TMEM64: variants seen among roughly 807,000 people sequenced by gnomAD.
The protein encoded by TMEM64 is transmembrane protein 64.
A neutral mutation model predicts 24.5 loss-of-function variants in TMEM64; 19 were observed. That is an observed-to-expected ratio of 0.78 (90% CI 0.54 to 1.14). The LOEUF (loss-of-function observed/expected upper bound fraction) is 1.14. TMEM64 is among the 50% of genes most tolerant of loss of function. TMEM64 has a pLI of 0.00. For missense variants in TMEM64, 487 were observed against 493.0 expected (o/e 0.99, Z 0.12); for synonymous variants, 262 against 224.7 (o/e 1.17, Z -1.49).
In TMEM64 at chr8:90,646,025, G is replaced by T; in HGVS notation, c.-120C>A. ...GACTCCCTGCGTCCGCTCAGAGGGT[G>T]GGAGACGGCCCGTAGAAGGGCGCGG... On this transcript the variant is annotated 5_prime_UTR_variant, in exon 1 of 3. Transcript: ENST00000458549. 1 of 411,160 alleles carries T rather than the reference G, an allele frequency of 2.4e-6. No individual in the cohort carries two copies. Among genetic ancestry groups the T allele is most frequent in the Non-Finnish European group, 3.4e-6 (1 of 294,340 alleles). 25.5% of individuals were successfully genotyped at this position (411,160 alleles called of 1,614,324 possible). A position where few individuals can be genotyped will look rare whatever the true frequency, so the allele number is the denominator to read the frequency against.
intron 1 of TMEM64, among the ~76,000 whole-genome samples, chr8:90,640,768 T>C (rs992385252): frequency 7.9e-5 from 12 of 152,222 alleles, no homozygotes; most frequent in African/African-American, 2.7e-4. Flanking sequence ...CTTAAAGTTA[T>C]GATGACATCT....
intron 2 of TMEM64, among the ~76,000 whole-genome samples, chr8:90,630,023 C>A (rs933958236): frequency 6.6e-5 from 10 of 152,078 alleles, no homozygotes. Flanking sequence ...TACTCAATAA[C>A]AGTTAAGTTA....
Position 90,645,871 on chromosome 8 carries a change from A to C in TMEM64, c.35T>G (p.Leu12Arg). 8.8e-7 allele frequency: 1 copy of C among 1,134,966 alleles called. No homozygotes were observed. Among genetic ancestry groups the C allele is most frequent in the Non-Finnish European group, 1.1e-6 (1 of 926,066 alleles). The allele number at this position is 1,134,966 out of a possible 1,614,324, so 70.3% of individuals were successfully genotyped here. A position where few individuals can be genotyped will look rare whatever the true frequency, so the allele number is the denominator to read the frequency against. Residue 12 changes from leucine (L) to arginine (R), a missense_variant, in exon 1 of 3, where the codon CTG becomes CGG. By Grantham distance (102) the Leu-to-Arg change is moderately radical (BLOSUM62 -2). Around this residue, in one of 3 missense-constraint regions of TMEM64, gnomAD observed 419 missense variants for 407.5 expected, o/e 1.03. Transcript: ENST00000458549. The surrounding 1 kb of genome is among the most constrained non-coding windows in gnomAD (Gnocchi z 4.2). ...RSPGGILLQA[L>R]PRLLQHAALP... The stretch of plus-strand genomic sequence containing the variant: ...GGCGGCGTGCTGCAGCAGCCGGGGC[A>C]GCGCCTGGAGCAGGATCCCGCCCGG...
chr8:90,631,534 C>T lies in TMEM64; in HGVS notation c.951+18G>A, dbSNP rs754012882. ...AAACAGAGAGAAAAAAAGAGACAAC[C>T]CTTGGCCTTAAACTCACCTGTAAAC... On this transcript the variant is annotated intron_variant, in intron 2 of 2. Coordinates refer to ENST00000458549, the MANE Select transcript of TMEM64 (RefSeq NM_001008495.4). The T allele has an allele frequency of 6.6e-7, 1 of 1,514,810 alleles. No individual in the cohort carries two copies. The highest frequency in any genetic ancestry group is 9.0e-7 in the Non-Finnish European group (1 of 1,115,912). The allele number at this position is 1,514,810 out of a possible 1,614,324, so 93.8% of individuals were successfully genotyped here.
At position 90,645,729 on chromosome 8, in the gene TMEM64, C is replaced by CGCT. The variant is rs1563453463; in HGVS notation, c.174_176dup (p.Ala61dup). The stretch of plus-strand genomic sequence containing the variant: ...CGCCGAGCAGGGCGCCCGAGGCCGC[C>CGCT]GCTGCTGCCGCCGCCGCGCTCGCCC... On this transcript the variant is annotated inframe_insertion, in exon 1 of 3. Coordinates refer to ENST00000458549, the MANE Select transcript of TMEM64 (RefSeq NM_001008495.4). This position sits in a 1 kb window ranked among gnomAD's most constrained non-coding sequence, Gnocchi z 4.2. 2.6e-6 allele frequency: 3 copies of CGCT among 1,164,268 alleles called. No individual in the cohort carries two copies. Among genetic ancestry groups the CGCT allele is most frequent in the African/African-American group, 1.6e-5 (1 of 61,208 alleles). 72.1% of individuals were successfully genotyped at this position (1,164,268 alleles called of 1,614,324 possible). A position where few individuals can be genotyped will look rare whatever the true frequency, so the allele number is the denominator to read the frequency against.
rs1190062327 is a variant in TMEM64 at position 90,645,958 on chromosome 8, G to A, written c.-53C>T. 4 of 1,020,384 alleles carry A rather than the reference G, an allele frequency of 3.9e-6. No homozygotes were observed. Among genetic ancestry groups the A allele is most frequent in the Middle Eastern group, 4.2e-4 (1 of 2,396 alleles). The allele number at this position is 1,020,384 out of a possible 1,614,324, so 63.2% of individuals were successfully genotyped here. ...GGCCAGCCCCTCCGCCGCGGCGCCC[G>A]TTAGGCAGCTGCCCTTCATGGCGCC... On this transcript the variant is annotated 5_prime_UTR_variant, in exon 1 of 3. In the 5' UTR this introduces an upstream ATG that the reference lacks. Transcript: ENST00000458549. The surrounding 1 kb of genome is among the most constrained non-coding windows in gnomAD (Gnocchi z 4.2).
In TMEM64 at chr8:90,645,531, C is replaced by T. The variant is rs1426578941; in HGVS notation, c.375G>A (p.Leu125=). Residue 125 remains leucine (L), a synonymous_variant, in exon 1 of 3, where the codon CTG becomes CTA. Coordinates refer to ENST00000458549, the MANE Select transcript of TMEM64 (RefSeq NM_001008495.4). This position sits in a 1 kb window ranked among gnomAD's most constrained non-coding sequence, Gnocchi z 4.2. ...GSTCWCRSLV[L]VCVLAALCFA... ...AGCACAGGGCGGCCAACACGCAGAC[C>T]AGCACGAGGCTCCGGCACCAACAGG... 2 of 1,549,122 alleles carry T rather than the reference C, an allele frequency of 1.3e-6. No homozygotes were observed. Among genetic ancestry groups the T allele is most frequent in the Admixed American group, 2.0e-5 (1 of 51,004 alleles).
In TMEM64 at chr8:90,624,501, A is replaced by G. The variant is rs1809325899; in HGVS notation, c.*1170T>C. ...TATTCTATAGTCATAAGTGCTATTA[A>G]TAAATACATTTGATTCATGCTACAA... On this transcript the variant is annotated 3_prime_UTR_variant, in exon 3 of 3. Transcript: ENST00000458549. 6.6e-6 allele frequency: 1 copy of G among 152,350 alleles called. No homozygotes were observed. The highest frequency in any genetic ancestry group is 6.5e-5 in the Admixed American group (1 of 15,268). 9.4% of individuals were successfully genotyped at this position (152,350 alleles called of 1,614,324 possible).
intron 1 of TMEM64, among the ~76,000 whole-genome samples, chr8:90,641,130 T>C (rs553780819): frequency 6.6e-6 from 1 of 152,308 alleles, no homozygotes; most frequent in Admixed American, 6.5e-5. Flanking sequence ...AGCTGTTTTG[T>C]TGGTGTGACT....
Position 90,645,960 on chromosome 8 carries a change from T to C in TMEM64, c.-55A>G. ...CCAGCCCCTCCGCCGCGGCGCCCGTTAGGCAGCTGCCCTTCATGGCGCCCG... is the reference window on the plus strand; with the variant it reads ...CCAGCCCCTCCGCCGCGGCGCCCGTCAGGCAGCTGCCCTTCATGGCGCCCG... On this transcript the variant is annotated 5_prime_UTR_variant, in exon 1 of 3. Transcript: ENST00000458549. The surrounding 1 kb of genome is among the most constrained non-coding windows in gnomAD (Gnocchi z 4.2). The C allele has an allele frequency of 2.0e-6, 2 of 992,822 alleles. No individual in the cohort carries two copies. Among genetic ancestry groups the C allele is most frequent in the Non-Finnish European group, 1.2e-6 (1 of 807,472 alleles). 61.5% of individuals were successfully genotyped at this position (992,822 alleles called of 1,614,324 possible). A position where few individuals can be genotyped will look rare whatever the true frequency, so the allele number is the denominator to read the frequency against.
At chr8:90,633,510 T>A (rs1005288795) in intron 1 of TMEM64, among the ~76,000 whole-genome samples, 1 of 152,224 alleles carries the variant, frequency 6.6e-6, no homozygotes, top group Admixed American at 6.5e-5. Context: ...TTTGAAGTGA[T>A]CTGGTATACA....
intron 2 of TMEM64, 125 bp downstream of exon 2, chr8:90,631,427 A>G: frequency 2.5e-6 from 2 of 809,350 alleles, no homozygotes; most frequent in Non-Finnish European, 3.6e-6. Flanking sequence ...GTAATGAAAG[A>G]ACCAAGAAAA....
chr8:90,645,037 C>A lies in TMEM64; in HGVS notation c.795+74G>T, dbSNP rs1441428770. ...CTCTGCTGGTATTTATCTGATAGAG[C>A]GCCCTCCTAGGGCCGCCACAAGACC... On this transcript the variant is annotated intron_variant, in intron 1 of 2. Transcript: ENST00000458549. The surrounding 1 kb of genome is among the most constrained non-coding windows in gnomAD (Gnocchi z 4.2). 6 of 1,449,582 alleles carry A rather than the reference C, an allele frequency of 4.1e-6. No individual in the cohort carries two copies. The African/African-American group carries it at 8.5e-5, about 21-fold the overall frequency. 89.8% of individuals were successfully genotyped at this position (1,449,582 alleles called of 1,614,324 possible). A position where few individuals can be genotyped will look rare whatever the true frequency, so the allele number is the denominator to read the frequency against.
chr8:90,631,124 C>A (rs1049957219), intron 2 of TMEM64, among the ~76,000 whole-genome samples: 5 of 152,140 alleles, frequency 3.3e-5, no homozygotes, highest in African/African-American at 1.2e-4. Context: ...GAAATTTACA[C>A]TCTCAACATA....
chr8:90,636,164 G>A (rs996339135), intron 1 of TMEM64, among the ~76,000 whole-genome samples: 2 of 152,046 alleles, frequency 1.3e-5, no homozygotes, highest in African/African-American at 4.8e-5. Context: ...TTTAACCAAT[G>A]GAGCAACACA....
At chr8:90,627,942 A>C (rs1809382518) in intron 2 of TMEM64, among the ~76,000 whole-genome samples, 1 of 152,204 alleles carries the variant, frequency 6.6e-6, no homozygotes, top group South Asian at 2.1e-4. Context: ...AAGCTTACTG[A>C]CAGCCCTAAG....
In TMEM64 at chr8:90,624,815, C is replaced by A. The variant is rs958289214; in HGVS notation, c.*856G>T. 5 of 152,472 alleles carry A rather than the reference C, an allele frequency of 3.3e-5. No homozygotes were observed. The highest frequency in any genetic ancestry group is 6.5e-5 in the Admixed American group (1 of 15,268). 9.4% of individuals were successfully genotyped at this position (152,472 alleles called of 1,614,324 possible). On this transcript the variant is annotated 3_prime_UTR_variant, in exon 3 of 3. Transcript: ENST00000458549. ...GCCCACCATTTTAAAGGAATAACAT[C>A]TTTATTTAAAAGCCTAATTATTAAT... is the stretch of plus-strand genomic sequence containing the variant.
rs771702864 is a variant in TMEM64, at chr8:90,625,851, A to G, written c.963T>C (p.Ser321=). ...YFVFCLQIII[S]IGLMFYVVHR... is the part of the protein sequence containing the mutation. ...GAACTACATAAAACATGAGGCCTAT[A>G]CTTATAATAATCTGTGAATAAAAAT... is the stretch of plus-strand genomic sequence containing the variant. Residue 321 remains serine (S), a synonymous_variant, in exon 3 of 3, where the codon AGT becomes AGC. Transcript: ENST00000458549. 3 of 1,591,952 alleles carry G rather than the reference A, an allele frequency of 1.9e-6. No individual in the cohort carries two copies. The South Asian group carries it at 3.4e-5, about 18-fold the overall frequency.
At chr8:90,642,567 A>G (rs1241894963) in intron 1 of TMEM64, among the ~76,000 whole-genome samples, 1 of 152,236 alleles carries the variant, frequency 6.6e-6, no homozygotes, top group East Asian at 1.9e-4. Flanking sequence ...TCTAGAAGGC[A>G]GAAAGTCAAG....
Sources: gnomAD v4.1 joint callset for allele counts (sites outside exome capture counted in the v4.1 genomes callset) on GRCh38, gnomAD v4.1.1 for gene constraint, gnomAD v4.1.1 regional missense constraint, Gnocchi (gnomAD v3.1) non-coding constraint, MANE v1.5 for transcripts, NCBI Gene and HGNC (gene_info 2026-07-23, HGNC 2026-07-21) for gene names.